Variants in RAPGEFL1 observed in about 807,000 individuals in gnomAD.
RAPGEFL1 encodes the protein rap guanine nucleotide exchange factor-like 1.
RAPGEFL1 carries 31 observed loss-of-function variants against 64.4 expected under a neutral mutation model. That is an observed-to-expected ratio of 0.48 (90% CI 0.36 to 0.65). The LOEUF (loss-of-function observed/expected upper bound fraction) is 0.65, where lower values mean the gene tolerates loss of function less well. Among genes scored for constraint, RAPGEFL1 ranks in the 30% least tolerant of loss-of-function variants. The pLI is 0.00. For missense variants in RAPGEFL1, 682 were observed against 677.4 expected (o/e 1.01, Z -0.08); for synonymous variants, 331 against 274.1 (o/e 1.21, Z -2.05).
rs1990012439 is a variant in RAPGEFL1 at position 40,184,791 on chromosome 17, T to G, written c.833+113T>G. On this transcript the variant is annotated intron_variant, in intron 4 of 14. Coordinates refer to ENST00000620260, the MANE Select transcript of RAPGEFL1 (RefSeq NM_016339.6). ...AATATGGATTTGCTTGTTTGTTTGT[T>G]TGTTTTGAGACAGAGTCTCACTTTG... The G allele has an allele frequency of 1.0e-5, 7 of 679,290 alleles. No individual in the cohort carries two copies. In the Admixed American group the frequency reaches 2.2e-4, roughly 21 times the overall value. 42.1% of individuals were successfully genotyped at this position (679,290 alleles called of 1,614,324 possible).
Position 40,191,270 on chromosome 17 carries a change from CT to C in RAPGEFL1, c.1336-45del. The C allele has an allele frequency of 6.6e-7, 1 of 1,505,380 alleles. No homozygotes were observed. Among genetic ancestry groups the C allele is most frequent in the South Asian group, 1.3e-5 (1 of 79,642 alleles). 93.3% of individuals were successfully genotyped at this position (1,505,380 alleles called of 1,614,324 possible). A position where few individuals can be genotyped will look rare whatever the true frequency, so the allele number is the denominator to read the frequency against. On this transcript the variant is annotated intron_variant, in intron 8 of 14. Transcript: ENST00000620260. The surrounding 1 kb of genome is among the most constrained non-coding windows in gnomAD (Gnocchi z 5.1). The stretch of plus-strand genomic sequence containing the variant: ...CACTGCCATCTTCCCACCCACTCCC[CT>C]CACCCCCTGGCGCCCTGGCCGCCCC...
Position 40,191,455 on chromosome 17 carries a change from G to C in RAPGEFL1, c.1475G>C (p.Arg492Pro). 1.2e-6 allele frequency: 2 copies of C among 1,607,268 alleles called. No individual in the cohort carries two copies. Among genetic ancestry groups the C allele is most frequent in the Non-Finnish European group, 1.7e-6 (2 of 1,178,630 alleles). Residue 492 changes from arginine to proline, a missense_variant, in exon 9 of 15, where the codon CGC (arginine) becomes CCC (proline). Physicochemically the swap from Arg to Pro is moderately radical, Grantham distance 103. Coordinates refer to ENST00000620260, the MANE Select transcript of RAPGEFL1 (RefSeq NM_016339.6). The surrounding 1 kb of genome is among the most constrained non-coding windows in gnomAD (Gnocchi z 5.1). ...CTGCTCTGCGAGGCCCCGGGCAAGC[G>C]CGCGCAGCTGCTCAAGAAGTTCATC... ...EVLLCEAPGKRAQLLKKFIKI... is the reference protein window; with the variant it reads ...EVLLCEAPGKPAQLLKKFIKI...
chr17:40,188,786 C>G (rs1990161300), intron 4 of RAPGEFL1, 80 bp from the exon 5 acceptor site: 2 of 1,128,538 alleles, frequency 1.8e-6, no homozygotes, highest in Non-Finnish European at 2.7e-6. Flanking sequence ...TTCTGATATT[C>G]TTGCTTGATG....
Position 40,194,229 on chromosome 17 carries a change from T to G in RAPGEFL1, c.*441T>G. The G allele has an allele frequency of 5.5e-6, 1 of 181,792 alleles. No homozygotes were observed. Among genetic ancestry groups the G allele is most frequent in the Admixed American group, 6.1e-5 (1 of 16,402 alleles). The allele number at this position is 181,792 out of a possible 1,614,324, so 11.3% of individuals were successfully genotyped here. Reference sequence around the variant, plus strand: ...GCTGGGACCCCCAGGAATATTATGTTGCCGTGTGTGTGTGTGTGTGTGTGT... The same window carrying G: ...GCTGGGACCCCCAGGAATATTATGTGGCCGTGTGTGTGTGTGTGTGTGTGT... On this transcript the variant is annotated 3_prime_UTR_variant, in exon 15 of 15. Transcript: ENST00000620260.
intron 1 of RAPGEFL1, among the ~76,000 whole-genome samples, chr17:40,179,794 C>G (rs1053226980): frequency 6.6e-6 from 1 of 152,184 alleles, no homozygotes; most frequent in Non-Finnish European, 1.5e-5. Flanking sequence ...GCAGGGAACC[C>G]CAACCTAGAT....
Position 40,191,143 on chromosome 17 carries a change from T to G in RAPGEFL1, c.1336-173T>G. On this transcript the variant is annotated intron_variant, in intron 8 of 14. Transcript: ENST00000620260. This position sits in a 1 kb window ranked among gnomAD's most constrained non-coding sequence, Gnocchi z 5.1. ...CTGGTGAAATATTATTAATGCTGGT[T>G]GTTTTCTTTTTCCGCATCTTTGCCG... 3.1e-6 allele frequency: 2 copies of G among 638,846 alleles called. No individual in the cohort carries two copies. The highest frequency in any genetic ancestry group is 5.2e-6 in the Non-Finnish European group (2 of 381,612). 39.6% of individuals were successfully genotyped at this position (638,846 alleles called of 1,614,324 possible).
At chr17:40,193,282 G>A in intron 13 of RAPGEFL1, 81 bp from the exon 14 acceptor site, 2 of 1,446,074 alleles carry the variant, frequency 1.4e-6, no homozygotes, top group Non-Finnish European at 1.9e-6. Context: ...AAAGCAGAGT[G>A]GGAGAATGGC....
intron 2 of RAPGEFL1, among the ~76,000 whole-genome samples, chr17:40,182,556 C>T (rs1201772299): frequency 6.6e-6 from 1 of 152,206 alleles, no homozygotes; most frequent in Non-Finnish European, 1.5e-5. Flanking sequence ...TCAAGTGATT[C>T]GCCTGCCTTG....
At position 40,177,480 on chromosome 17, in the gene RAPGEFL1, C is replaced by A; in HGVS notation, c.-382C>A. On this transcript the variant is annotated 5_prime_UTR_variant, in exon 1 of 15. Coordinates refer to ENST00000620260, the MANE Select transcript of RAPGEFL1 (RefSeq NM_016339.6). ...GTCTCGGTTCTGCCACCTTCCCCCTCTTCACGGCCAGGAGCGCAGCCGCCG... is the reference window on the plus strand; with the variant it reads ...GTCTCGGTTCTGCCACCTTCCCCCTATTCACGGCCAGGAGCGCAGCCGCCG... 1.6e-6 allele frequency: 1 copy of A among 628,412 alleles called. No homozygotes were observed. Among genetic ancestry groups the A allele is most frequent in the Admixed American group, 2.5e-5 (1 of 39,888 alleles). The allele number at this position is 628,412 out of a possible 1,614,324, so 38.9% of individuals were successfully genotyped here. A position where few individuals can be genotyped will look rare whatever the true frequency, so the allele number is the denominator to read the frequency against.
rs1459025043 is a variant in RAPGEFL1 at position 40,178,057 on chromosome 17, G to A, written c.196G>A (p.Ala66Thr). The A allele has an allele frequency of 3.2e-5, 19 of 600,558 alleles. No homozygotes were observed. The East Asian group carries it at 5.7e-4, about 18-fold the overall frequency. 37.2% of individuals were successfully genotyped at this position (600,558 alleles called of 1,614,324 possible). The change falls in exon 1 of 15, where the codon GCT (alanine) becomes ACT (threonine). Residue 66 changes from alanine to threonine, a missense_variant. Transcript: ENST00000620260. ...RQSVSRLLLP[A>T]FLREPPAEPG... is the part of the protein sequence containing the mutation. ...GAGCGTGTCTCGCCTGCTGCTCCCC[G>A]CTTTCCTCCGGGAGCCCCCCGCCGA...
chr17:40,192,264 G>T lies in RAPGEFL1; in HGVS notation c.1656+1G>T. On this transcript the variant is annotated splice_donor_variant, in intron 11 of 14. Transcript: ENST00000620260. LOFTEE classifies it high-confidence loss of function. Reference sequence around the variant, plus strand: ...GTTTCGCAAATTTGAGAACCTGACGGTGAGTGGGTTTGGCTCTTTCTTCTG... The same window carrying T: ...GTTTCGCAAATTTGAGAACCTGACGTTGAGTGGGTTTGGCTCTTTCTTCTG... 6.2e-7 allele frequency: 1 copy of T among 1,613,876 alleles called. No homozygotes were observed. The highest frequency in any genetic ancestry group is 8.5e-7 in the Non-Finnish European group (1 of 1,179,738).
chr17:40,189,151 G>A (rs1274016409), intron 5 of RAPGEFL1, 57 bp from the exon 6 acceptor site: 20 of 1,574,404 alleles, frequency 1.3e-5, no homozygotes, highest in Non-Finnish European at 1.5e-5. Flanking sequence ...GGAGGAGACT[G>A]TGCCAGCTGC....
chr17:40,191,081 G>A lies in RAPGEFL1; in HGVS notation c.1336-235G>A, dbSNP rs1193364047. On this transcript the variant is annotated intron_variant, in intron 8 of 14. Transcript: ENST00000620260. The surrounding 1 kb of genome is among the most constrained non-coding windows in gnomAD (Gnocchi z 5.1). ...GATGGTTGTCTTGAGGATGTCAGCC[G>A]TGAGCGAATGCCTGGCACCTAGTAA... 3.4e-6 allele frequency: 2 copies of A among 592,446 alleles called. No homozygotes were observed. The highest frequency in any genetic ancestry group is 5.8e-6 in the Non-Finnish European group (2 of 342,018). 36.7% of individuals were successfully genotyped at this position (592,446 alleles called of 1,614,324 possible).
In RAPGEFL1 at chr17:40,177,874, G is replaced by A; in HGVS notation, c.13G>A (p.Glu5Lys). The A allele has an allele frequency of 2.3e-6, 1 of 428,482 alleles. No homozygotes were observed. The highest frequency in any genetic ancestry group is 4.1e-6 in the Non-Finnish European group (1 of 241,182). 26.5% of individuals were successfully genotyped at this position (428,482 alleles called of 1,614,324 possible). Reference sequence around the variant, plus strand: ...GGCGGGGGGGGGCATGAAGCCGCTGGAGAAATTTCTGAAGAAGCAGACGTC... The same window carrying A: ...GGCGGGGGGGGGCATGAAGCCGCTGAAGAAATTTCTGAAGAAGCAGACGTC... MKPL[E>K]KFLKKQTSQL... Residue 5 changes from glutamate (E) to lysine (K), a missense_variant, in exon 1 of 15, where the codon GAG becomes AAG. Coordinates refer to ENST00000620260, the MANE Select transcript of RAPGEFL1 (RefSeq NM_016339.6).
In RAPGEFL1 at chr17:40,191,384, G is replaced by T. The variant is rs763297989; in HGVS notation, c.1404G>T (p.Leu468=). 6.3e-7 allele frequency: 1 copy of T among 1,598,592 alleles called. No homozygotes were observed. The highest frequency in any genetic ancestry group is 1.7e-5 in the Admixed American group (1 of 58,788). The change falls in exon 9 of 15, where the codon CTG becomes CTT. Residue 468 remains leucine (L), a synonymous_variant. Transcript: ENST00000620260. The surrounding 1 kb of genome is among the most constrained non-coding windows in gnomAD (Gnocchi z 5.1). ...GGGAGACGGCCAACTTGGAGCTGCT[G>T]CTGCAGCGCTGCAGCGAGGTCACGC... ...GRRETANLEL[L]LQRCSEVTHW...
chr17:40,189,473 T>C, intron 6 of RAPGEFL1, 98 bp downstream of exon 6: 1 of 1,338,112 alleles, frequency 7.5e-7, no homozygotes, highest in African/African-American at 1.5e-5. Context: ...AGGCCCTTGC[T>C]ACTCAAAGTA....
In RAPGEFL1 at chr17:40,188,981, G is replaced by T; in HGVS notation, c.946+3G>T. On this transcript the variant is annotated splice_donor_region_variant and intron_variant, in intron 5 of 14. Transcript: ENST00000620260. ...GGCCTTCCGGGGCTCTGATGAGAGT[G>T]AGTGTGGGCATTAGGAGGGGCAGGG... The T allele has an allele frequency of 6.2e-7, 1 of 1,613,052 alleles. No individual in the cohort carries two copies. The highest frequency in any genetic ancestry group is 8.5e-7 in the Non-Finnish European group (1 of 1,179,098).
At chr17:40,190,985 C>A (rs905312791) in intron 8 of RAPGEFL1, 7 of 623,492 alleles carry the variant, frequency 1.1e-5, no homozygotes, top group Admixed American at 3.3e-5. Context: ...CAGAACCTGA[C>A]CCAGGATTTC....
chr17:40,183,901 T>C (rs1989977422), intron 2 of RAPGEFL1, among the ~76,000 whole-genome samples: 1 of 130,814 alleles, frequency 7.6e-6, no homozygotes, highest in Non-Finnish European at 1.6e-5. Context: ...TGGAGTGCAA[T>C]GGTGCGACTT....
Sources: gnomAD v4.1 joint callset for allele counts (sites outside exome capture counted in the v4.1 genomes callset) on GRCh38, gnomAD v4.1.1 for gene constraint, Gnocchi (gnomAD v3.1) non-coding constraint, MANE v1.5 for transcripts, NCBI Gene and HGNC (gene_info 2026-07-23, HGNC 2026-07-21) for gene names.